PTPRN2: variants seen among roughly 807,000 people sequenced by gnomAD.
The protein encoded by PTPRN2 is receptor-type tyrosine-protein phosphatase N2.
Under a neutral mutation model 118.8 loss-of-function variants are expected in PTPRN2, and 74 were observed. That is an observed-to-expected ratio of 0.62 (90% confidence interval 0.52 to 0.76). The LOEUF is 0.76. Among genes scored for constraint, PTPRN2 ranks in the 30% least tolerant of loss-of-function variants. PTPRN2 has a pLI of 0.00. For synonymous variants in PTPRN2, 641 were observed against 608.0 expected, an observed-to-expected ratio of 1.05 and a Z score of -0.80; for missense variants, 1,481 against 1,394.4, an observed-to-expected ratio of 1.06 and a Z score of -0.99.
chr7:157,893,558 T>C lies in PTPRN2; in HGVS notation c.1788+5115A>G, dbSNP rs148851891. Among the ~76,000 whole-genome samples the C allele has an allele frequency of 6.6e-6, 1 of 152,326 alleles. No individual in the cohort carries two copies. The highest frequency in any genetic ancestry group is 1.5e-5 in the Non-Finnish European group (1 of 68,032). On this transcript the variant is annotated intron_variant, in intron 12 of 22. Coordinates refer to ENST00000389418, the MANE Select transcript of PTPRN2 (RefSeq NM_002847.5). The surrounding 1 kb of genome is among the most constrained non-coding windows in gnomAD (Gnocchi z 4.0). ...GACAGAGCTTCACAAGGAGCAGTGA[T>C]GCCATTTCCATTAAGAGATAAGAAA...
At chr7:157,880,991 A>G (rs1430858422) in intron 12 of PTPRN2, among the ~76,000 whole-genome samples, 1 of 152,240 alleles carries the variant, frequency 6.6e-6, no homozygotes, top group East Asian at 1.9e-4. Context: ...CAAAGTGCCT[A>G]TGGGAAGCTC....
chr7:158,038,540 G>T (rs1181797957), intron 11 of PTPRN2, among the ~76,000 whole-genome samples: 1 of 151,770 alleles, frequency 6.6e-6, no homozygotes, highest in Non-Finnish European at 1.5e-5. Flanking sequence ...AAAGATAAAA[G>T]ATAAGCTATA....
chr7:158,106,882 T>A (rs192361243), intron 10 of PTPRN2, among the ~76,000 whole-genome samples: 32 of 152,240 alleles, frequency 2.1e-4, no homozygotes, highest in African/African-American at 7.2e-4. Flanking sequence ...ATTATCTAAT[T>A]CTCCTTCAGC....
At chr7:157,967,416 G>A (rs540486086) in intron 11 of PTPRN2, among the ~76,000 whole-genome samples, 16 of 152,290 alleles carry the variant, frequency 1.1e-4, no homozygotes, top group African/African-American at 3.1e-4. Flanking sequence ...TTCTGAATGC[G>A]GATGACGGTA....
At chr7:158,348,598 C>G (rs951846724) in intron 2 of PTPRN2, among the ~76,000 whole-genome samples, 3 of 152,150 alleles carry the variant, frequency 2.0e-5, no homozygotes, top group African/African-American at 7.2e-5. Context: ...GAGTGCTGAG[C>G]TGGGCCAGGC....
At chr7:158,275,085 C>T (rs539650805) in intron 3 of PTPRN2, among the ~76,000 whole-genome samples, 80 of 152,288 alleles carry the variant, frequency 5.3e-4, no homozygotes, top group African/African-American at 1.9e-3. Flanking sequence ...AAAGAGGAGA[C>T]AGAACAATGA....
At chr7:158,409,289 G>A (rs1225212637) in intron 2 of PTPRN2, among the ~76,000 whole-genome samples, 1 of 152,228 alleles carries the variant, frequency 6.6e-6, no homozygotes, top group Non-Finnish European at 1.5e-5. Flanking sequence ...TGTGTTCAGG[G>A]CTGGCCCTGG....
intron 2 of PTPRN2, among the ~76,000 whole-genome samples, chr7:158,333,694 A>G (rs1338954323): frequency 6.6e-6 from 1 of 150,680 alleles, no homozygotes; most frequent in African/African-American, 2.5e-5. Flanking sequence ...TCACACCCAC[A>G]CTGTCACCAT....
chr7:157,575,525 T>C (rs762448308), intron 19 of PTPRN2, among the ~76,000 whole-genome samples: 2 of 152,218 alleles, frequency 1.3e-5, no homozygotes, highest in Non-Finnish European at 2.9e-5. Context: ...TTGATTCAAA[T>C]TACAAAAAAC....
At chr7:158,454,710 TATAG>T (rs1363725049) in intron 2 of PTPRN2, among the ~76,000 whole-genome samples, 1 of 152,212 alleles carries the variant, frequency 6.6e-6, no homozygotes, top group African/African-American at 2.4e-5. Context: ...GGATGGTTGC[TATAG>T]ACAAAGAAGA....
intron 1 of PTPRN2, among the ~76,000 whole-genome samples, chr7:158,524,854 G>A (rs56391295): frequency 0.22 from 33,876 of 151,790 alleles, 4,073 homozygotes; most frequent in South Asian, 0.41. Context: ...CTCAAATACT[G>A]CATTTTTGAT....
In PTPRN2 at chr7:157,671,160, A is replaced by G. The variant is rs1315081845; in HGVS notation, c.2001+11565T>C. On this transcript the variant is annotated intron_variant, in intron 13 of 22. Transcript: ENST00000389418. The surrounding 1 kb of genome is among the most constrained non-coding windows in gnomAD (Gnocchi z 4.1). ...CTTACCACATCAAGATCTTAGTTCA[A>G]TGTATCGATTCATTCTTATCGAGCA... is the stretch of plus-strand genomic sequence containing the variant. 2.0e-5 allele frequency among the ~76,000 whole-genome samples: 3 copies of G among 148,752 alleles called. No individual in the cohort carries two copies. Among genetic ancestry groups the G allele is most frequent in the African/African-American group, 7.3e-5 (3 of 40,888 alleles).
At chr7:158,031,362 T>A (rs1012767921) in intron 11 of PTPRN2, among the ~76,000 whole-genome samples, 8 of 152,156 alleles carry the variant, frequency 5.3e-5, no homozygotes, top group African/African-American at 1.7e-4. Context: ...TATTTGGTTT[T>A]GAAGGAAAGA....
At chr7:158,479,670 G>C (rs760554671) in intron 2 of PTPRN2, among the ~76,000 whole-genome samples, 5 of 152,256 alleles carry the variant, frequency 3.3e-5, no homozygotes, top group Non-Finnish European at 7.3e-5. Context: ...TCTACGCTCT[G>C]TGAATCACAA....
At chr7:157,666,917 C>T (rs1371320579) in intron 13 of PTPRN2, among the ~76,000 whole-genome samples, 5 of 151,886 alleles carry the variant, frequency 3.3e-5, no homozygotes, top group South Asian at 2.1e-4. Flanking sequence ...GCACACTCAG[C>T]CTGTGGGACA....
At chr7:158,403,848 AG>A (rs149741623) in intron 2 of PTPRN2, among the ~76,000 whole-genome samples, 1,549 of 152,334 alleles carry the variant, frequency 0.01, 36 homozygotes, top group African/African-American at 0.035. Flanking sequence ...ATGGCTGGAA[AG>A]GGGGAAATGA....
intron 11 of PTPRN2, among the ~76,000 whole-genome samples, chr7:158,019,579 G>T (rs1297278142): frequency 6.6e-6 from 1 of 152,222 alleles, no homozygotes; most frequent in Non-Finnish European, 1.5e-5. Flanking sequence ...AAAATTCAAA[G>T]AATGAAAGAG....
At position 157,580,535 on chromosome 7, in the gene PTPRN2, C is replaced by T. The variant is rs570692823; in HGVS notation, c.2497-2395G>A. On this transcript the variant is annotated intron_variant, in intron 17 of 22. Coordinates refer to ENST00000389418, the MANE Select transcript of PTPRN2 (RefSeq NM_002847.5). ...CCTGCACACCCCAGCACCTGCACAC[C>T]CGAGCCGAGCCCCTGCACATCTGAG... 5.5e-4 allele frequency among the ~76,000 whole-genome samples: 81 copies of T among 146,288 alleles called. 1 individual carries two copies. Among genetic ancestry groups the T allele is most frequent in the Admixed American group, 3.9e-3 (57 of 14,662 alleles).
chr7:158,277,297 A>G lies in PTPRN2; in HGVS notation c.277+39522T>C, dbSNP rs572720279. Among the ~76,000 whole-genome samples the G allele has an allele frequency of 3.3e-5, 5 of 152,312 alleles. No individual in the cohort carries two copies. The East Asian group carries it at 9.7e-4, about 29-fold the overall frequency. On this transcript the variant is annotated intron_variant, in intron 3 of 22. Transcript: ENST00000389418. Reference sequence around the variant, plus strand: ...CGGGGTCCTGCCCACTCTGTTCGCCATTCGGTCCCACACCTCAGCCACAAC... The same window carrying G: ...CGGGGTCCTGCCCACTCTGTTCGCCGTTCGGTCCCACACCTCAGCCACAAC...
Sources: allele counts gnomAD v4.1 joint callset (sites outside exome capture counted in the v4.1 genomes callset), GRCh38; gene constraint gnomAD v4.1.1; non-coding constraint Gnocchi (gnomAD v3.1); transcripts MANE v1.5; gene names NCBI Gene and HGNC (gene_info 2026-07-23, HGNC 2026-07-21).